Variants in RBFOX1 observed in about 807,000 individuals in gnomAD.
The protein encoded by RBFOX1 is RNA binding protein fox-1 homolog 1.
In RBFOX1, 8 loss-of-function variants were observed where a neutral mutation model predicts 57.7. That is an observed-to-expected ratio of 0.14 (90% confidence interval 0.08 to 0.25). The LOEUF (loss-of-function observed/expected upper bound fraction) is 0.25. Ranked by LOEUF, RBFOX1 falls within the 10% of genes least tolerant of loss-of-function variation. The pLI is 1.00. For missense variants in RBFOX1, 611 were observed against 548.5 expected, an observed-to-expected ratio of 1.11 and a Z score of -1.14; for synonymous variants, 326 against 222.4, an observed-to-expected ratio of 1.47 and a Z score of -4.15.
At chr16:5,327,259 A>G (rs1239418317) in intron 1 of RBFOX1, among the ~76,000 whole-genome samples, 6 of 152,126 alleles carry the variant, frequency 3.9e-5, no homozygotes, top group African/African-American at 1.4e-4. Flanking sequence ...CAATCTGCTG[A>G]ATGGGACCCT....
chr16:6,382,218 A>C (rs377316281), intron 2 of RBFOX1, among the ~76,000 whole-genome samples: 6 of 152,212 alleles, frequency 3.9e-5, no homozygotes, highest in African/African-American at 1.4e-4. Flanking sequence ...GAGCCATTTT[A>C]GCCTGTGAGC....
rs1599565843 is a variant in RBFOX1, at chr16:6,316,986, C to T, written c.-126-9C>T. 4.8e-6 allele frequency: 7 copies of T among 1,464,414 alleles called. No homozygotes were observed. The highest frequency in any genetic ancestry group is 6.4e-6 in the Non-Finnish European group (7 of 1,092,082). 90.7% of individuals were successfully genotyped at this position (1,464,414 alleles called of 1,614,324 possible). The stretch of plus-strand genomic sequence containing the variant: ...TGATACTAAAGTCATTCCCCTTTTT[C>T]TTCTTTAGGAAACTGGTCAAAGAAC... On this transcript the variant is annotated splice_polypyrimidine_tract_variant and intron_variant, in intron 1 of 15. Coordinates refer to ENST00000550418, the MANE Select transcript of RBFOX1 (RefSeq NM_018723.4).
intron 3 of RBFOX1, among the ~76,000 whole-genome samples, chr16:5,741,518 G>A (rs2151591785): frequency 6.6e-6 from 1 of 152,296 alleles, no homozygotes; most frequent in Non-Finnish European, 1.5e-5. Flanking sequence ...TAGCAATTTT[G>A]AGTGATTTAG....
At chr16:6,788,757 G>A (rs1267539793) in intron 3 of RBFOX1, among the ~76,000 whole-genome samples, 2 of 151,944 alleles carry the variant, frequency 1.3e-5, no homozygotes, top group African/African-American at 4.8e-5. Context: ...TTACAGGTGT[G>A]AGCGACCGTG....
intron 2 of RBFOX1, among the ~76,000 whole-genome samples, chr16:6,587,111 A>G (rs1478070106): frequency 1.3e-5 from 2 of 152,174 alleles, no homozygotes; most frequent in Non-Finnish European, 2.9e-5. Flanking sequence ...ATGATGTACA[A>G]CAGGTCTGTT....
At position 6,616,128 on chromosome 16, in the gene RBFOX1, G is replaced by C. The variant is rs755864150; in HGVS notation, c.-63-38475G>C. On this transcript the variant is annotated intron_variant, in intron 2 of 15. Coordinates refer to ENST00000550418, the MANE Select transcript of RBFOX1 (RefSeq NM_018723.4). ...CAAACTGAAGAATCTTTTATAGGAA[G>C]TGTCAGGCCTTTTTGCAGGAGCAAA... Among the ~76,000 whole-genome samples, 14 of 152,164 alleles carry C rather than the reference G, an allele frequency of 9.2e-5. No homozygotes were observed. The South Asian group carries it at 1.0e-3, about 11-fold the overall frequency.
intron 4 of RBFOX1, among the ~76,000 whole-genome samples, chr16:7,273,254 CT>C: frequency 6.9e-6 from 1 of 145,348 alleles, no homozygotes; most frequent in Non-Finnish European, 1.5e-5. Context: ...TCCTTCCTTC[CT>C]TCCTTCCTCC....
chr16:5,863,752 C>T (rs190757256), intron 3 of RBFOX1, among the ~76,000 whole-genome samples: 3 of 152,234 alleles, frequency 2.0e-5, no homozygotes, highest in African/African-American at 4.8e-5. Context: ...TTTAGTTGGC[C>T]ACAAGCCGTA....
At chr16:7,225,329 G>C (rs187774313) in intron 4 of RBFOX1, among the ~76,000 whole-genome samples, 1 of 152,022 alleles carries the variant, frequency 6.6e-6, no homozygotes, top group Non-Finnish European at 1.5e-5. Context: ...CATGGGGGCT[G>C]TTTTCCCCAT....
chr16:6,803,229 A>G (rs1343354723), intron 3 of RBFOX1, among the ~76,000 whole-genome samples: 2 of 152,126 alleles, frequency 1.3e-5, no homozygotes, highest in East Asian at 1.9e-4. Context: ...CTCATTGCCT[A>G]TGACATTGCT....
chr16:7,246,248 C>G (rs2094293596), intron 4 of RBFOX1, among the ~76,000 whole-genome samples: 1 of 152,172 alleles, frequency 6.6e-6, no homozygotes, highest in South Asian at 2.1e-4. Flanking sequence ...AGCCTCTCCA[C>G]AGCCACCACC....
At chr16:5,914,162 C>T (rs746712042) in intron 4 of RBFOX1, among the ~76,000 whole-genome samples, 3 of 152,170 alleles carry the variant, frequency 2.0e-5, no homozygotes, top group African/African-American at 4.8e-5. Flanking sequence ...CCAAAATAAT[C>T]CAGGAAAAAG....
At chr16:6,795,967 T>G (rs935068626) in intron 3 of RBFOX1, among the ~76,000 whole-genome samples, 1 of 152,104 alleles carries the variant, frequency 6.6e-6, no homozygotes, top group African/African-American at 2.4e-5. Flanking sequence ...GGGAATGTTA[T>G]TTTCTAGGAA....
chr16:5,950,035 C>T (rs529924362), intron 4 of RBFOX1, among the ~76,000 whole-genome samples: 2 of 152,320 alleles, frequency 1.3e-5, no homozygotes, highest in East Asian at 1.9e-4. Flanking sequence ...GTGAGTGATA[C>T]ATTTAATTGC....
chr16:7,481,292 A>T (rs189941496), intron 4 of RBFOX1, among the ~76,000 whole-genome samples: 7 of 152,350 alleles, frequency 4.6e-5, no homozygotes, highest in African/African-American at 1.4e-4. Flanking sequence ...TGGATAATAG[A>T]AATCGCATTA....
intron 3 of RBFOX1, among the ~76,000 whole-genome samples, chr16:6,755,157 A>G (rs11641427): frequency 0.26 from 39,247 of 152,032 alleles, 5,428 homozygotes; most frequent in Non-Finnish European, 0.32. Context: ...TAGTGCCGCA[A>G]TAAACATACG....
chr16:7,701,275 C>A (rs372431683), intron 14 of RBFOX1, among the ~76,000 whole-genome samples: 1 of 149,296 alleles, frequency 6.7e-6, no homozygotes, highest in Admixed American at 6.6e-5. Flanking sequence ...GGTCAGGGGT[C>A]CCCAACTGGA....
At chr16:7,358,983 G>A (rs991865134) in intron 4 of RBFOX1, among the ~76,000 whole-genome samples, 12 of 152,266 alleles carry the variant, frequency 7.9e-5, no homozygotes, top group African/African-American at 2.9e-4. Flanking sequence ...GATTAATGAT[G>A]TTTTTGGAAT....
At chr16:7,052,326 C>T (rs2050372756) in intron 4 of RBFOX1, among the ~76,000 whole-genome samples, 1 of 152,144 alleles carries the variant, frequency 6.6e-6, no homozygotes, top group Non-Finnish European at 1.5e-5. Flanking sequence ...GATTTAGATT[C>T]AGCAATAAAT....
Sources: allele counts gnomAD v4.1 joint callset (sites outside exome capture counted in the v4.1 genomes callset), GRCh38; gene constraint gnomAD v4.1.1; transcripts MANE v1.5; gene names NCBI Gene and HGNC (gene_info 2026-07-23, HGNC 2026-07-21).